The following UBE2R2 variants were observed in gnomAD, a reference collection of about 807,000 sequenced individuals.
The protein encoded by UBE2R2 is ubiquitin-conjugating enzyme E2 R2.
Under a neutral mutation model 27.8 loss-of-function variants are expected in UBE2R2, and 1 was observed. That is an observed-to-expected ratio of 0.04 (90% confidence interval 0.01 to 0.17). UBE2R2 has a LOEUF of 0.17. Ranked by LOEUF, UBE2R2 falls within the 10% of genes least tolerant of loss-of-function variation. UBE2R2 has a pLI of 1.00. For synonymous variants in UBE2R2, 106 were observed against 113.3 expected, an observed-to-expected ratio of 0.94 and a Z score of 0.41; for missense variants, 100 against 291.0, an observed-to-expected ratio of 0.34 and a Z score of 4.78.
chr9:33,817,698 C>A lies in UBE2R2; in HGVS notation c.-60C>A. The A allele has an allele frequency of 7.5e-7, 1 of 1,337,794 alleles. No individual in the cohort carries two copies. Among genetic ancestry groups the A allele is most frequent in the Non-Finnish European group, 9.6e-7 (1 of 1,046,028 alleles). 82.9% of individuals were successfully genotyped at this position (1,337,794 alleles called of 1,614,324 possible). ...GCGGAGGGGAGGGGCCTGGTCCGGC[C>A]CGGCCGGTGCGTGAGGACTGGGGCC... On this transcript the variant is annotated 5_prime_UTR_variant, in exon 1 of 5. Coordinates refer to ENST00000263228, the MANE Select transcript of UBE2R2 (RefSeq NM_017811.4).
chr9:33,914,298 A>G (rs1358647069), intron 4 of UBE2R2, among the ~76,000 whole-genome samples: 1 of 152,202 alleles, frequency 6.6e-6, no homozygotes, highest in African/African-American at 2.4e-5. Flanking sequence ...TTTCAGGTGA[A>G]AAAAGGGAAA....
At chr9:33,850,615 G>A (rs1587443778) in intron 1 of UBE2R2, among the ~76,000 whole-genome samples, 1 of 152,056 alleles carries the variant, frequency 6.6e-6, no homozygotes, top group East Asian at 1.9e-4. Flanking sequence ...AAATTTGCCT[G>A]CCCCTACAAA....
chr9:33,826,650 G>C (rs10971719), intron 1 of UBE2R2, among the ~76,000 whole-genome samples: 11,984 of 152,034 alleles, frequency 0.079, 679 homozygotes, highest in Non-Finnish European at 0.12. Context: ...AGTGAGCTGA[G>C]ATCACGCCAT....
chr9:33,911,254 C>T (rs1822479021), intron 3 of UBE2R2, among the ~76,000 whole-genome samples: 1 of 150,600 alleles, frequency 6.6e-6, no homozygotes, highest in South Asian at 2.1e-4. Flanking sequence ...ACTAAAAATA[C>T]AAAATTAGCA....
chr9:33,911,838 A>T, intron 3 of UBE2R2, 126 bp from the exon 4 acceptor site: 3 of 866,644 alleles, frequency 3.5e-6, no homozygotes, highest in Non-Finnish European at 4.7e-6. Flanking sequence ...TCTTAAATTT[A>T]ATTGTATCAG....
chr9:33,819,115 T>C (rs1825912584), intron 1 of UBE2R2, among the ~76,000 whole-genome samples: 1 of 152,180 alleles, frequency 6.6e-6, no homozygotes, highest in African/African-American at 2.4e-5. Flanking sequence ...TTTAGTTTTA[T>C]TTTTTTATTT....
chr9:33,824,035 C>T (rs1433183068), intron 1 of UBE2R2, among the ~76,000 whole-genome samples: 1 of 152,150 alleles, frequency 6.6e-6, no homozygotes, highest in African/African-American at 2.4e-5. Flanking sequence ...CAGTTAAGGT[C>T]TAAGGGTTTT....
chr9:33,904,902 A>T (rs1822320198), intron 3 of UBE2R2, among the ~76,000 whole-genome samples: 1 of 152,178 alleles, frequency 6.6e-6, no homozygotes, highest in Non-Finnish European at 1.5e-5. Context: ...GAGTTGCCAC[A>T]CGTCTTTGAT....
chr9:33,886,975 G>A lies in UBE2R2; in HGVS notation c.264+8G>A, dbSNP rs1187689567. On this transcript the variant is annotated splice_region_variant and intron_variant, in intron 2 of 4. Transcript: ENST00000263228. ...CACCCCAACATTTATGAGGTAAGGA[G>A]ACATCCATCATAAATTTCTCTGAAG... The A allele has an allele frequency of 6.3e-7, 1 of 1,582,684 alleles. No homozygotes were observed. The highest frequency in any genetic ancestry group is 2.3e-5 in the East Asian group (1 of 43,850).
At chr9:33,865,835 G>GTTTTTTTTTT (rs1266518240) in intron 1 of UBE2R2, among the ~76,000 whole-genome samples, 3 of 137,022 alleles carry the variant, frequency 2.2e-5, no homozygotes, top group Non-Finnish European at 3.2e-5. Context: ...GTTTTTTTTT[G>GTTTTTTTTTT]TTTTTTTTTT....
chr9:33,820,140 A>G (rs1253810700), intron 1 of UBE2R2, among the ~76,000 whole-genome samples: 1 of 152,242 alleles, frequency 6.6e-6, no homozygotes, highest in African/African-American at 2.4e-5. Context: ...TGTACATGAG[A>G]GAAAATAATG....
In UBE2R2 at chr9:33,886,923, A is replaced by G; in HGVS notation, c.220A>G (p.Thr74Ala). Residue 74 changes from threonine to alanine, a missense_variant, in exon 2 of 5, where the codon ACC (threonine) becomes GCC (alanine). Coordinates refer to ENST00000263228, the MANE Select transcript of UBE2R2 (RefSeq NM_017811.4). ...FPIDYPYSPP[T>A]FRFLTKMWHP... is the part of the protein sequence containing the mutation. Reference sequence around the variant, plus strand: ...TATTGACTACCCCTATTCACCACCTACCTTCAGATTCTTGACCAAAATGTG... The same window carrying G: ...TATTGACTACCCCTATTCACCACCTGCCTTCAGATTCTTGACCAAAATGTG... 1.2e-6 allele frequency: 2 copies of G among 1,601,574 alleles called. No homozygotes were observed. The highest frequency in any genetic ancestry group is 1.7e-6 in the Non-Finnish European group (2 of 1,177,282).
intron 1 of UBE2R2, among the ~76,000 whole-genome samples, chr9:33,848,616 T>C (rs1820895827): frequency 6.6e-6 from 1 of 152,074 alleles, no homozygotes; most frequent in Non-Finnish European, 1.5e-5. Flanking sequence ...TTTTTTTTTT[T>C]TTTAAATGGA....
At chr9:33,822,079 G>GAC (rs1188840800) in intron 1 of UBE2R2, among the ~76,000 whole-genome samples, 1 of 147,172 alleles carries the variant, frequency 6.8e-6, no homozygotes, top group Non-Finnish European at 1.5e-5. Flanking sequence ...ACTCAACACT[G>GAC]ACATATATAT....
chr9:33,819,670 G>T (rs901888289), intron 1 of UBE2R2, among the ~76,000 whole-genome samples: 3 of 149,582 alleles, frequency 2.0e-5, no homozygotes, highest in South Asian at 4.2e-4. Context: ...ACGGAGTCTC[G>T]CTCTGTCACC....
intron 3 of UBE2R2, 75 bp downstream of exon 3, chr9:33,900,346 A>G: frequency 9.3e-7 from 1 of 1,079,346 alleles, no homozygotes; most frequent in Non-Finnish European, 1.4e-6. Context: ...AAAATTATGT[A>G]TTGTCTTTTA....
rs553800935 is a variant in UBE2R2 at position 33,831,256 on chromosome 9, C to T, written c.177+13322C>T. Among the ~76,000 whole-genome samples the T allele has an allele frequency of 4.0e-5, 6 of 151,884 alleles. No homozygotes were observed. In the East Asian group the frequency reaches 7.7e-4, roughly 20 times the overall value. On this transcript the variant is annotated intron_variant, in intron 1 of 4. Coordinates refer to ENST00000263228, the MANE Select transcript of UBE2R2 (RefSeq NM_017811.4). Reference sequence around the variant, plus strand: ...CAGGAGTTCAAGACTGGCCGAGCAACGTAGTGAGACCCCCATCTCTACAAA... The same window carrying T: ...CAGGAGTTCAAGACTGGCCGAGCAATGTAGTGAGACCCCCATCTCTACAAA...
intron 3 of UBE2R2, among the ~76,000 whole-genome samples, chr9:33,910,836 C>A (rs1475057218): frequency 6.6e-6 from 1 of 152,210 alleles, no homozygotes; most frequent in Non-Finnish European, 1.5e-5. Context: ...GGTGCGGTGG[C>A]TCATGCCTGT....
intron 3 of UBE2R2, among the ~76,000 whole-genome samples, chr9:33,908,666 A>G (rs1227294061): frequency 6.6e-6 from 1 of 152,192 alleles, no homozygotes; most frequent in Non-Finnish European, 1.5e-5. Flanking sequence ...TTACCATTTA[A>G]AAATTTGTTT....
Sources: gnomAD v4.1 joint callset for allele counts (sites outside exome capture counted in the v4.1 genomes callset) on GRCh38, gnomAD v4.1.1 for gene constraint, MANE v1.5 for transcripts, NCBI Gene and HGNC (gene_info 2026-07-23, HGNC 2026-07-21) for gene names.